INPP5B: variants seen among roughly 807,000 people sequenced by gnomAD.
The protein encoded by INPP5B is inositol polyphosphate-5-phosphatase B, also known as type II inositol 1,4,5-trisphosphate 5-phosphatase.
INPP5B carries 90 observed loss-of-function variants against 118.5 expected under a neutral mutation model. That is an observed-to-expected ratio of 0.76 (90% CI 0.64 to 0.90). The LOEUF is 0.90. INPP5B is among the 40% of genes least tolerant of loss of function. The pLI is 0.00. For missense variants in INPP5B, 984 were observed against 1,125.6 expected (o/e 0.87, Z 1.80); for synonymous variants, 385 against 418.9 (o/e 0.92, Z 0.99).
intron 8 of INPP5B, 151 bp downstream of exon 8, chr1:37,891,207 G>T (rs1553155334): frequency 1.9e-6 from 1 of 514,180 alleles, no homozygotes; most frequent in Non-Finnish European, 3.5e-6. Flanking sequence ...AGCCTGGGCA[G>T]TAAGAGCGAA....
intron 6 of INPP5B, among the ~76,000 whole-genome samples, chr1:37,933,096 A>G (rs1444258035): frequency 1.3e-5 from 2 of 152,216 alleles, no homozygotes; most frequent in African/African-American, 4.8e-5. Context: ...CTTGAGTTCC[A>G]GTCCTGACTA....
At chr1:37,887,098 C>T (rs190767130) in intron 11 of INPP5B, 94 bp from the exon 12 acceptor site, 34 of 996,286 alleles carry the variant, frequency 3.4e-5, no homozygotes, top group African/African-American at 2.5e-4. Flanking sequence ...AGAGTATTCA[C>T]GTGTCTCCTT....
At chr1:37,910,706 T>C (rs2148599056) in intron 7 of INPP5B, among the ~76,000 whole-genome samples, 1 of 152,280 alleles carries the variant, frequency 6.6e-6, no homozygotes, top group South Asian at 2.1e-4. Context: ...AGCATGGCCT[T>C]TTAAAGCCTA....
intron 7 of INPP5B, among the ~76,000 whole-genome samples, chr1:37,923,558 C>G (rs543475690): frequency 4.7e-4 from 71 of 151,882 alleles, no homozygotes; most frequent in Middle Eastern, 6.8e-3. Context: ...GTTGGGAAGA[C>G]TTACAAGAAG....
chr1:37,866,402 TCTCTCACA>T lies in INPP5B; in HGVS notation c.2386+49_2386+56del, dbSNP rs149926262. The T allele has an allele frequency of 0.21, 140,249 of 660,716 alleles. 5,363 individuals carry two copies. Among genetic ancestry groups the T allele is most frequent in the Admixed American group, 0.3 (11,555 of 38,784 alleles). The allele number at this position is 660,716 out of a possible 1,614,324, so 40.9% of individuals were successfully genotyped here. ...CACTCATATTCTCTCTCTCTCTCTC[TCTCTCACA>T]CACACACACACACACACACACACAC... On this transcript the variant is annotated intron_variant, in intron 21 of 23. Coordinates refer to ENST00000373024, the MANE Select transcript of INPP5B (RefSeq NM_005540.3).
At chr1:37,931,492 C>T in intron 7 of INPP5B, 1 of 1,534,152 alleles carries the variant, frequency 6.5e-7, no homozygotes, top group Non-Finnish European at 8.7e-7. Context: ...TCGTCACGCA[C>T]GCCTAAGAAG....
intron 14 of INPP5B, among the ~76,000 whole-genome samples, chr1:37,882,215 C>T (rs1643248185): frequency 6.6e-6 from 1 of 152,124 alleles, no homozygotes; most frequent in Non-Finnish European, 1.5e-5. Context: ...AACAACCTGA[C>T]CACCTGAACA....
chr1:37,884,008 G>A (rs1253500774), intron 13 of INPP5B: 1 of 266,352 alleles, frequency 3.8e-6, no homozygotes, highest in Non-Finnish European at 5.8e-6. Context: ...CTCAGAAGCT[G>A]CAACTATATC....
intron 13 of INPP5B, chr1:37,883,672 G>T: frequency 1.0e-6 from 1 of 985,350 alleles, no homozygotes; most frequent in Non-Finnish European, 1.2e-6. Flanking sequence ...TCACAAACTA[G>T]GATGCTGCAG....
At position 37,868,364 on chromosome 1, in the gene INPP5B, G is replaced by C. The variant is rs1355215567; in HGVS notation, c.2301+137C>G. 2.6e-5 allele frequency: 16 copies of C among 612,832 alleles called. No homozygotes were observed. The Admixed American group carries it at 4.2e-4, about 16-fold the overall frequency. The allele number at this position is 612,832 out of a possible 1,614,324, so 38.0% of individuals were successfully genotyped here. A position where few individuals can be genotyped will look rare whatever the true frequency, so the allele number is the denominator to read the frequency against. On this transcript the variant is annotated intron_variant, in intron 20 of 23. Coordinates refer to ENST00000373024, the MANE Select transcript of INPP5B (RefSeq NM_005540.3). ...GGGTCTCCCAGGAGTGTGAAACATG[G>C]CATACTATCTATCCTTCCTCCCCTC...
At chr1:37,938,256 G>A (rs1447073425) in intron 6 of INPP5B, among the ~76,000 whole-genome samples, 1 of 144,412 alleles carries the variant, frequency 6.9e-6, no homozygotes, top group Non-Finnish European at 1.5e-5. Context: ...GCAACAGGGC[G>A]AGACTCTGTC....
intron 4 of INPP5B, 36 bp downstream of exon 4, chr1:37,943,749 GGGGGGCCCATA>G (rs1408662342): frequency 3.1e-6 from 5 of 1,605,262 alleles, no homozygotes; most frequent in Non-Finnish European, 4.3e-6. Context: ...AAGATGAGCT[GGGGGGCCCATA>G]GGAGAGGATT....
chr1:37,889,955 C>T (rs1643747064), intron 8 of INPP5B, among the ~76,000 whole-genome samples: 1 of 152,148 alleles, frequency 6.6e-6, no homozygotes, highest in African/African-American at 2.4e-5. Flanking sequence ...AATAGAGTCA[C>T]AGAATCTCAG....
In INPP5B at chr1:37,917,303, AAT is replaced by A. The variant is rs1449510794; in HGVS notation, c.532+14608_532+14609del. ...GACTCCGTCTCGGGGGAAAAAAAAA[AAT>A]AATTATATATATATATATATATATA... On this transcript the variant is annotated intron_variant, in intron 7 of 23. Transcript: ENST00000373024. 1.8e-3 allele frequency among the ~76,000 whole-genome samples: 44 copies of A among 24,246 alleles called. 1 individual carries two copies. The highest frequency in any genetic ancestry group is 3.7e-3 in the African/African-American group (40 of 10,924). 15.9% of individuals were successfully genotyped at this position (24,246 alleles called of 152,430 possible). A position where few individuals can be genotyped will look rare whatever the true frequency, so the allele number is the denominator to read the frequency against.
chr1:37,911,852 C>T (rs566548423), intron 7 of INPP5B, among the ~76,000 whole-genome samples: 2 of 152,320 alleles, frequency 1.3e-5, no homozygotes, highest in East Asian at 3.9e-4. Flanking sequence ...GATCCCACTG[C>T]TCAGGGCAAC....
At chr1:37,878,430 C>A in intron 15 of INPP5B, 107 bp from the exon 16 acceptor site, 1 of 1,512,620 alleles carries the variant, frequency 6.6e-7, no homozygotes, top group Non-Finnish European at 8.8e-7. Context: ...CCTTCATGTC[C>A]ATGTGGCTAA....
intron 7 of INPP5B, among the ~76,000 whole-genome samples, chr1:37,914,212 A>T (rs567966886): frequency 6.6e-6 from 1 of 152,318 alleles, no homozygotes; most frequent in South Asian, 2.1e-4. Context: ...AAGAAATTTT[A>T]AAAAATTAAA....
At chr1:37,939,606 G>A (rs1645839932) in intron 6 of INPP5B, among the ~76,000 whole-genome samples, 2 of 151,544 alleles carry the variant, frequency 1.3e-5, no homozygotes, top group South Asian at 2.1e-4. Context: ...CACCATGCCC[G>A]GCTAATTTTT....
chr1:37,900,261 GT>G (rs752628803), intron 7 of INPP5B, among the ~76,000 whole-genome samples: 51 of 137,010 alleles, frequency 3.7e-4, no homozygotes, highest in Admixed American at 7.3e-4. Flanking sequence ...TTTGTTTTCG[GT>G]TTTTTTTTTT....
Sources: gnomAD v4.1 joint callset for allele counts (sites outside exome capture counted in the v4.1 genomes callset) on GRCh38, gnomAD v4.1.1 for gene constraint, MANE v1.5 for transcripts, NCBI Gene and HGNC (gene_info 2026-07-23, HGNC 2026-07-21) for gene names.